Variants in ALDH3A2 observed in about 807,000 individuals in gnomAD.
The protein encoded by ALDH3A2 is aldehyde dehydrogenase 3 family member A2.
A neutral mutation model predicts 51.3 loss-of-function variants in ALDH3A2; 36 were observed. The ratio of observed to expected loss-of-function variants is 0.70; its 90% CI spans 0.54 to 0.93. ALDH3A2 has a LOEUF of 0.93. ALDH3A2 is among the 40% of genes least tolerant of loss of function. ALDH3A2 has a pLI of 0.00. For missense variants in ALDH3A2, 552 were observed against 603.1 expected, an observed-to-expected ratio of 0.92 and a Z score of 0.89; for synonymous variants, 199 against 219.8, an observed-to-expected ratio of 0.91 and a Z score of 0.84.
intron 3 of ALDH3A2, among the ~76,000 whole-genome samples, chr17:19,655,033 A>G (rs1453754625): frequency 2.0e-4 from 30 of 151,974 alleles, no homozygotes. Context: ...AAAGAAAATG[A>G]TCTGCCCAAC....
In ALDH3A2 at chr17:19,663,479, G is replaced by A. The variant is rs764950118; in HGVS notation, c.1087G>A (p.Val363Ile). 8 of 1,614,092 alleles carry A rather than the reference G, an allele frequency of 5.0e-6. No homozygotes were observed. The highest frequency in any genetic ancestry group is 1.1e-5 in the South Asian group (1 of 91,072). Reference sequence around the variant, plus strand: ...ACGTGAAAAGCCTCTGGCTCTTTATGTATTTTCGCATAACCATAAGGTAAG... The same window carrying A: ...ACGTGAAAAGCCTCTGGCTCTTTATATATTTTCGCATAACCATAAGGTAAG... Reference protein sequence around the residue: ...NEREKPLALYVFSHNHKLIKR... With the variant: ...NEREKPLALYIFSHNHKLIKR... The change falls in exon 7 of 10, where the codon GTA becomes ATA. Residue 363 changes from valine to isoleucine, a missense_variant. Val to Ile is a conservative substitution (Grantham distance 29). Coordinates refer to ENST00000176643, the MANE Select transcript of ALDH3A2 (RefSeq NM_000382.3).
At chr17:19,656,153 T>G (rs970883374) in intron 3 of ALDH3A2, 2 of 583,362 alleles carry the variant, frequency 3.4e-6, no homozygotes, top group African/African-American at 1.9e-5. Flanking sequence ...AGTCTCCAGA[T>G]TAGTTCTATG....
chr17:19,663,490 T>A lies in ALDH3A2; in HGVS notation c.1098T>A (p.His366Gln). The part of the protein sequence containing the change: ...EKPLALYVFS[H>Q]NHKLIKRMID... ...CTCTGGCTCTTTATGTATTTTCGCA[T>A]AACCATAAGGTAAGCTTTAGAGAGA... The change falls in exon 7 of 10, where the codon CAT becomes CAA. Residue 366 changes from histidine (H) to glutamine (Q), a missense_variant. Physicochemically the swap from His to Gln is conservative, Grantham distance 24 (BLOSUM62 0). Transcript: ENST00000176643. 6.2e-7 allele frequency: 1 copy of A among 1,614,078 alleles called. No homozygotes were observed. The highest frequency in any genetic ancestry group is 8.5e-7 in the Non-Finnish European group (1 of 1,179,990).
At chr17:19,663,128 A>G (rs2084988870) in intron 6 of ALDH3A2, among the ~76,000 whole-genome samples, 1 of 152,240 alleles carries the variant, frequency 6.6e-6, no homozygotes, top group Non-Finnish European at 1.5e-5. Flanking sequence ...CTTGGTTTGC[A>G]CAAGTATCCG....
At chr17:19,650,829 C>G (rs1480446381) in intron 1 of ALDH3A2, among the ~76,000 whole-genome samples, 4 of 152,126 alleles carry the variant, frequency 2.6e-5, no homozygotes, top group Non-Finnish European at 5.9e-5. Flanking sequence ...TTTTCCCTTC[C>G]CCACAATCCC....
intron 5 of ALDH3A2, among the ~76,000 whole-genome samples, chr17:19,659,261 G>A (rs1008141313): frequency 5.9e-5 from 9 of 152,100 alleles, no homozygotes; most frequent in Non-Finnish European, 8.8e-5. Flanking sequence ...AATTGTCGCC[G>A]TTGTGGTGGT....
At position 19,648,946 on chromosome 17, in the gene ALDH3A2, C is replaced by G. The variant is rs1188275142; in HGVS notation, c.-26C>G. Reference sequence around the variant, plus strand: ...CTCCCACTCCCCAGCGCCCCCGGACCGTGCAGTTCTCTGCAGGACCAGGCC... The same window carrying G: ...CTCCCACTCCCCAGCGCCCCCGGACGGTGCAGTTCTCTGCAGGACCAGGCC... On this transcript the variant is annotated 5_prime_UTR_variant, in exon 1 of 10. Coordinates refer to ENST00000176643, the MANE Select transcript of ALDH3A2 (RefSeq NM_000382.3). 10 of 1,569,950 alleles carry G rather than the reference C, an allele frequency of 6.4e-6. No individual in the cohort carries two copies. The East Asian group carries it at 1.4e-4, about 22-fold the overall frequency.
At chr17:19,664,397 C>T (rs2085007942) in intron 7 of ALDH3A2, among the ~76,000 whole-genome samples, 1 of 152,106 alleles carries the variant, frequency 6.6e-6, no homozygotes, top group African/African-American at 2.4e-5. Flanking sequence ...CTTGCTGGCA[C>T]CCAAGGGTAA....
Position 19,648,764 on chromosome 17 carries a change from C to T in ALDH3A2, c.-208C>T. ...TGGGTCGAGCTCAGTCCTCCCCCGGCGCCTCCGACTGGCAGTGGGACTCAG... is the reference window on the plus strand; with the variant it reads ...TGGGTCGAGCTCAGTCCTCCCCCGGTGCCTCCGACTGGCAGTGGGACTCAG... On this transcript the variant is annotated 5_prime_UTR_variant, in exon 1 of 10. Coordinates refer to ENST00000176643, the MANE Select transcript of ALDH3A2 (RefSeq NM_000382.3). 1.5e-6 allele frequency: 1 copy of T among 657,376 alleles called. No individual in the cohort carries two copies. Among genetic ancestry groups the T allele is most frequent in the Non-Finnish European group, 2.6e-6 (1 of 385,634 alleles). 40.7% of individuals were successfully genotyped at this position (657,376 alleles called of 1,614,324 possible).
chr17:19,649,197 G>A (rs2084780780), intron 1 of ALDH3A2, 73 bp downstream of exon 1: 2 of 1,516,462 alleles, frequency 1.3e-6, no homozygotes, highest in South Asian at 1.2e-5. Context: ...CTTCGGCTGG[G>A]TTTTGTTTTT....
intron 8 of ALDH3A2, among the ~76,000 whole-genome samples, chr17:19,669,800 A>AG (rs2085087800): frequency 6.6e-6 from 1 of 152,074 alleles, no homozygotes; most frequent in South Asian, 2.1e-4. Flanking sequence ...ATGCCTGGCT[A>AG]ATTAAAAAAA....
rs1202699490 is a variant in ALDH3A2, at chr17:19,649,112, C to T, written c.141C>T (p.Ala47=). ...AGGATATCCTGACGGCCATCGCCGC[C>T]GACCTGTGCAAGGTACGCACGCGTG... ...REKDILTAIA[A]DLCKSEFNVY... The change falls in exon 1 of 10, where the codon GCC becomes GCT. Residue 47 remains alanine, a synonymous_variant. Transcript: ENST00000176643. 5.7e-6 allele frequency: 9 copies of T among 1,573,880 alleles called. No individual in the cohort carries two copies. The highest frequency in any genetic ancestry group is 4.1e-5 in the African/African-American group (3 of 74,036).
Position 19,649,065 on chromosome 17 carries a change from A to T in ALDH3A2, c.94A>T (p.Arg32Trp). Residue 32 changes from arginine to tryptophan, a missense_variant, in exon 1 of 10, where the codon AGG becomes TGG. Coordinates refer to ENST00000176643, the MANE Select transcript of ALDH3A2 (RefSeq NM_000382.3). ...FRLQQLEALR[R>W]MVQEREKDIL... ...GCTGCAGCAGCTGGAGGCCCTGCGGAGGATGGTGCAGGAGCGCGAGAAGGA... is the reference window on the plus strand; with the variant it reads ...GCTGCAGCAGCTGGAGGCCCTGCGGTGGATGGTGCAGGAGCGCGAGAAGGA... 6.3e-7 allele frequency: 1 copy of T among 1,583,852 alleles called. No individual in the cohort carries two copies. The highest frequency in any genetic ancestry group is 8.6e-7 in the Non-Finnish European group (1 of 1,165,568).
chr17:19,664,958 G>A lies in ALDH3A2; in HGVS notation c.1118G>A (p.Arg373Gln), dbSNP rs766919052. 10 of 1,613,126 alleles carry A rather than the reference G, an allele frequency of 6.2e-6. No homozygotes were observed. In the East Asian group the frequency reaches 1.1e-4, roughly 18 times the overall value. Residue 373 changes from arginine (R) to glutamine (Q), a missense_variant, in exon 8 of 10, where the codon CGG becomes CAG. By Grantham distance (43) the Arg-to-Gln change is conservative. Transcript: ENST00000176643. Reference sequence around the variant, plus strand: ...TTGGTCTGTCCTCAGCTCATCAAACGGATGATTGATGAGACATCCAGTGGA... The same window carrying A: ...TTGGTCTGTCCTCAGCTCATCAAACAGATGATTGATGAGACATCCAGTGGA... Reference protein sequence around the residue: ...VFSHNHKLIKRMIDETSSGGV... With the variant: ...VFSHNHKLIKQMIDETSSGGV...
chr17:19,661,162 T>C lies in ALDH3A2; in HGVS notation c.834T>C (p.Asp278=). 1 of 1,612,682 alleles carries C rather than the reference T, an allele frequency of 6.2e-7. No homozygotes were observed. Among genetic ancestry groups the C allele is most frequent in the Non-Finnish European group, 8.5e-7 (1 of 1,178,680 alleles). Residue 278 remains aspartate, a synonymous_variant, in exon 6 of 10, where the codon GAT becomes GAC. Coordinates refer to ENST00000176643, the MANE Select transcript of ALDH3A2 (RefSeq NM_000382.3). Reference sequence around the variant, plus strand: ...GAGAAAATATAAAAGAGTCTCCTGATTATGAAAGGATCATCAATCTTCGTC... The same window carrying C: ...GAGAAAATATAAAAGAGTCTCCTGACTATGAAAGGATCATCAATCTTCGTC... ...FYGENIKESP[D]YERIINLRHF...
At chr17:19,666,506 GT>G (rs1324954979) in intron 8 of ALDH3A2, among the ~76,000 whole-genome samples, 8 of 152,212 alleles carry the variant, frequency 5.3e-5, no homozygotes, top group African/African-American at 1.9e-4. Flanking sequence ...GCTGGGCGCA[GT>G]GGCTCATGCC....
At chr17:19,665,823 A>C (rs916425775) in intron 8 of ALDH3A2, among the ~76,000 whole-genome samples, 2 of 152,182 alleles carry the variant, frequency 1.3e-5, no homozygotes, top group African/African-American at 4.8e-5. Flanking sequence ...ACAAAAACCC[A>C]ACCAGAAAAG....
intron 6 of ALDH3A2, among the ~76,000 whole-genome samples, chr17:19,662,954 G>A (rs1325010033): frequency 7.2e-5 from 11 of 151,954 alleles, no homozygotes; most frequent in African/African-American, 1.9e-4. Flanking sequence ...GCAGTGAGCC[G>A]AGATGGCACC....
chr17:19,675,557 G>A lies in ALDH3A2; in HGVS notation c.1444-1G>A. On this transcript the variant is annotated splice_acceptor_variant, in intron 9 of 9. Transcript: ENST00000176643. LOFTEE classifies it high-confidence loss of function. Reference sequence around the variant, plus strand: ...ACTGAATCCTTTTTTCCTCTCTCCAGGCAGAATATTACTGAAGAATGATCC... The same window carrying A: ...ACTGAATCCTTTTTTCCTCTCTCCAAGCAGAATATTACTGAAGAATGATCC... 1 of 1,613,724 alleles carries A rather than the reference G, an allele frequency of 6.2e-7. No individual in the cohort carries two copies. Among genetic ancestry groups the A allele is most frequent in the Non-Finnish European group, 8.5e-7 (1 of 1,179,740 alleles).
Sources: allele counts gnomAD v4.1 joint callset (sites outside exome capture counted in the v4.1 genomes callset), GRCh38; gene constraint gnomAD v4.1.1; transcripts MANE v1.5; gene names NCBI Gene and HGNC (gene_info 2026-07-23, HGNC 2026-07-21).